Variants in BABAM2 observed in about 807,000 individuals in gnomAD.
BABAM2 encodes BRISC and BRCA1-A complex member 2.
Under a neutral mutation model 54.7 loss-of-function variants are expected in BABAM2, and 31 were observed. The observed-to-expected ratio is 0.57, with a 90% CI of 0.43 to 0.77. The LOEUF (loss-of-function observed/expected upper bound fraction) is 0.77. Among genes scored for constraint, BABAM2 ranks in the 30% least tolerant of loss-of-function variants. The probability of loss-of-function intolerance (pLI) is 0.00; values close to 1 mark genes in which losing one functional copy is unlikely to be tolerated. For missense variants in BABAM2, 364 were observed against 455.8 expected (o/e 0.80, Z 1.83); for synonymous variants, 167 against 162.9 (o/e 1.03, Z -0.19).
intron 10 of BABAM2, among the ~76,000 whole-genome samples, chr2:28,264,686 A>G (rs1384113926): frequency 6.6e-6 from 1 of 152,218 alleles, no homozygotes; most frequent in East Asian, 1.9e-4. Flanking sequence ...AGATGAAAAC[A>G]TGCTGAGTTG....
chr2:28,284,064 T>A (rs1364286471), intron 10 of BABAM2, among the ~76,000 whole-genome samples: 1 of 152,184 alleles, frequency 6.6e-6, no homozygotes, highest in Non-Finnish European at 1.5e-5. Flanking sequence ...CTCACTCAAG[T>A]CAAGGGCTTG....
At position 28,019,415 on chromosome 2, in the gene BABAM2, T is replaced by A. The variant is rs535550167; in HGVS notation, c.301-5811T>A. 2.0e-5 allele frequency among the ~76,000 whole-genome samples: 3 copies of A among 152,206 alleles called. No individual in the cohort carries two copies. The East Asian group carries it at 5.8e-4, about 29-fold the overall frequency. On this transcript the variant is annotated intron_variant, in intron 4 of 11. Transcript: ENST00000379624. The stretch of plus-strand genomic sequence containing the variant: ...TTAGTTGTTTGTCAGATGTATAGAT[T>A]GTGAAGATTTTCTCCCACTCTGTGG...
chr2:28,260,569 T>C (rs960378554), intron 10 of BABAM2, among the ~76,000 whole-genome samples: 8 of 152,332 alleles, frequency 5.3e-5, no homozygotes, highest in East Asian at 1.9e-4. Context: ...CCCAAAGTGC[T>C]GGAATTACAG....
At chr2:27,906,025 A>C (rs753039653) in intron 2 of BABAM2, among the ~76,000 whole-genome samples, 13 of 152,232 alleles carry the variant, frequency 8.5e-5, no homozygotes, top group Non-Finnish European at 1.9e-4. Context: ...GGATACATGC[A>C]ACAGTTGTTA....
intron 7 of BABAM2, among the ~76,000 whole-genome samples, chr2:28,211,898 TTTC>T (rs1679500840): frequency 6.6e-6 from 1 of 152,226 alleles, no homozygotes; most frequent in African/African-American, 2.4e-5. Flanking sequence ...TACATTTAGA[TTTC>T]CTCATTTGTC....
chr2:28,112,182 C>CTTCCTT (rs1189482940), intron 6 of BABAM2, among the ~76,000 whole-genome samples: 3 of 68,030 alleles, frequency 4.4e-5, no homozygotes, highest in Non-Finnish European at 8.2e-5. Flanking sequence ...TCCCTCCCTC[C>CTTCCTT]CTCCCTCCCT....
chr2:28,133,238 G>A (rs1451998833), intron 7 of BABAM2, among the ~76,000 whole-genome samples: 1 of 152,212 alleles, frequency 6.6e-6, no homozygotes, highest in African/African-American at 2.4e-5. Flanking sequence ...CAAGAAGGCT[G>A]TAGTCATGGG....
intron 7 of BABAM2, among the ~76,000 whole-genome samples, chr2:28,189,868 C>T (rs1167331399): frequency 6.6e-6 from 1 of 151,884 alleles, no homozygotes; most frequent in Non-Finnish European, 1.5e-5. Flanking sequence ...GAAGGACTTG[C>T]AATACCTGAT....
chr2:28,114,496 G>A (rs1372379643), intron 6 of BABAM2, among the ~76,000 whole-genome samples: 1 of 152,158 alleles, frequency 6.6e-6, no homozygotes, highest in Non-Finnish European at 1.5e-5. Flanking sequence ...TCCTATTGAA[G>A]AAGAAGGAAG....
Position 28,322,189 on chromosome 2 carries a change from T to TA in BABAM2, c.1089-16258dup, listed in dbSNP as rs1231294448. Reference sequence around the variant, plus strand: ...GCAGAGTAGTCTGGAGTGCTGCATGTAAAGCTAGGCACTCCCCAGTGATGG... The same window carrying TA: ...GCAGAGTAGTCTGGAGTGCTGCATGTAAAAGCTAGGCACTCCCCAGTGATGG... On this transcript the variant is annotated intron_variant, in intron 11 of 11. Coordinates refer to ENST00000379624, the MANE Select transcript of BABAM2 (RefSeq NM_199191.3). This position sits in a 1 kb window ranked among gnomAD's most constrained non-coding sequence, Gnocchi z 4.1. Among the ~76,000 whole-genome samples the TA allele has an allele frequency of 6.6e-6, 1 of 152,074 alleles. No individual in the cohort carries two copies. The highest frequency in any genetic ancestry group is 6.5e-5 in the Admixed American group (1 of 15,278).
intron 2 of BABAM2, among the ~76,000 whole-genome samples, chr2:27,901,919 ATATAC>A (rs891752328): frequency 1.3e-4 from 20 of 152,290 alleles, no homozygotes; most frequent in African/African-American, 4.8e-4. Flanking sequence ...TGTACAAATG[ATATAC>A]TATATATATT....
intron 7 of BABAM2, among the ~76,000 whole-genome samples, chr2:28,227,806 G>T (rs1424931414): frequency 6.6e-6 from 1 of 152,148 alleles, no homozygotes; most frequent in East Asian, 1.9e-4. Context: ...CATCCACTAA[G>T]GAACAGGTTA....
intron 4 of BABAM2, among the ~76,000 whole-genome samples, chr2:28,015,585 G>A (rs1436889599): frequency 6.6e-6 from 1 of 152,158 alleles, no homozygotes; most frequent in Non-Finnish European, 1.5e-5. Context: ...AGCATTTATG[G>A]CCCTTTCACA....
rs150267901 is a variant in BABAM2 at position 27,935,000 on chromosome 2, T to C, written c.205+5092T>C. Among the ~76,000 whole-genome samples, 140 of 152,318 alleles carry C rather than the reference T, an allele frequency of 9.2e-4. 1 individual carries two copies. Among genetic ancestry groups the C allele is most frequent in the Non-Finnish European group, 1.6e-3 (106 of 68,032 alleles). On this transcript the variant is annotated intron_variant, in intron 3 of 11. Coordinates refer to ENST00000379624, the MANE Select transcript of BABAM2 (RefSeq NM_199191.3). ...AGTAATTCAGATCTAGCTAAGATCATTGATGAAGTGCTACACTTAGCAACA... is the reference window on the plus strand; with the variant it reads ...AGTAATTCAGATCTAGCTAAGATCACTGATGAAGTGCTACACTTAGCAACA...
At chr2:28,209,449 G>A (rs1203778996) in intron 7 of BABAM2, among the ~76,000 whole-genome samples, 1 of 151,472 alleles carries the variant, frequency 6.6e-6, no homozygotes, top group East Asian at 1.9e-4. Context: ...CCCTGTGGAA[G>A]GTGTGGCCTG....
intron 3 of BABAM2, among the ~76,000 whole-genome samples, chr2:27,948,642 A>G (rs1007314825): frequency 4.6e-5 from 7 of 152,148 alleles, no homozygotes; most frequent in Non-Finnish European, 1.0e-4. Flanking sequence ...ATGATGGCGC[A>G]TGCCTGTAAT....
chr2:27,918,041 T>C (rs1667106882), intron 2 of BABAM2, among the ~76,000 whole-genome samples: 1 of 152,226 alleles, frequency 6.6e-6, no homozygotes. Context: ...CTAACATTTA[T>C]AGTAAATTTT....
At chr2:28,174,588 G>A (rs1382753006) in intron 7 of BABAM2, among the ~76,000 whole-genome samples, 1 of 152,144 alleles carries the variant, frequency 6.6e-6, no homozygotes, top group East Asian at 1.9e-4. Context: ...GGGGAAAGGG[G>A]GAGAGATCCC....
At chr2:28,163,524 T>C (rs1673315074) in intron 7 of BABAM2, among the ~76,000 whole-genome samples, 1 of 152,144 alleles carries the variant, frequency 6.6e-6, no homozygotes, top group African/African-American at 2.4e-5. Flanking sequence ...CAAAAGGCAG[T>C]CACCCCTGCC....
Sources: allele counts gnomAD v4.1 joint callset (sites outside exome capture counted in the v4.1 genomes callset), GRCh38; gene constraint gnomAD v4.1.1; non-coding constraint Gnocchi (gnomAD v3.1); transcripts MANE v1.5; gene names NCBI Gene and HGNC (gene_info 2026-07-23, HGNC 2026-07-21).